Variants in RPL18A observed in about 807,000 individuals in gnomAD.
RPL18A encodes ribosomal protein L18a.
For synonymous variants in RPL18A, 122 were observed against 96.9 expected (o/e 1.26, Z -1.52); for missense variants, 163 against 254.1 (o/e 0.64, Z 2.44).
chr19:17,860,523 C>T (rs534686723), intron 1 of RPL18A, among the ~76,000 whole-genome samples: 4 of 152,342 alleles, frequency 2.6e-5, no homozygotes, highest in Admixed American at 1.3e-4. Flanking sequence ...GGTTTCCTTG[C>T]TGTCAAAGGG....
rs558281249 is a variant in RPL18A at position 17,861,613 on chromosome 19, C to T, written c.198+141C>T. ...CCCATCACATCAGACATCAGAGCCC[C>T]GGGTTGTGTTTCTGCCTGGGTCACG... On this transcript the variant is annotated intron_variant, in intron 2 of 4. Coordinates refer to ENST00000222247, the MANE Select transcript of RPL18A (RefSeq NM_000980.4). 482 of 684,616 alleles carry T rather than the reference C, an allele frequency of 7.0e-4. 7 individuals are homozygous for T. The Admixed American group carries it at 0.014, about 20-fold the overall frequency. The allele number at this position is 684,616 out of a possible 1,614,324, so 42.4% of individuals were successfully genotyped here.
At chr19:17,862,522 T>C (rs912177623) in intron 3 of RPL18A, 2 of 700,192 alleles carry the variant, frequency 2.9e-6, no homozygotes, top group Admixed American at 1.8e-5. Context: ...CCCTGCCTAG[T>C]GTTGGGAGCT....
Position 17,861,457 on chromosome 19 carries a change from T to C in RPL18A, c.183T>C (p.Ile61=). The C allele has an allele frequency of 6.3e-7, 1 of 1,594,174 alleles. No homozygotes were observed. Among genetic ancestry groups the C allele is most frequent in the Non-Finnish European group, 8.6e-7 (1 of 1,167,442 alleles). ...LKKMKKSSGE[I]VYCGQVFEKS... ...AGATGAAGAAGTCTTCAGGGGAGAT[T>C]GTCTACTGTGGGCAGGTATGGAGAG... Residue 61 remains isoleucine (I), a synonymous_variant, in exon 2 of 5, where the codon ATT becomes ATC. Coordinates refer to ENST00000222247, the MANE Select transcript of RPL18A (RefSeq NM_000980.4).
At chr19:17,860,995 A>G (rs2094276252) in intron 1 of RPL18A, 2 of 417,214 alleles carry the variant, frequency 4.8e-6, no homozygotes, top group Non-Finnish European at 8.7e-6. Flanking sequence ...GCATGAAGAA[A>G]GGAGGCTGTG....
In RPL18A at chr19:17,862,999, G is replaced by C; in HGVS notation, c.410G>C (p.Cys137Ser). ...GTGGAGGAGATCGCGGCCAGCAAGT[G>C]CCGCCGGCCGGCTGTCAAGCAGTTC... is the stretch of plus-strand genomic sequence containing the variant. The part of the protein sequence containing the change: ...MKVEEIAASK[C>S]RRPAVKQFHD... The change falls in exon 4 of 5, where the codon TGC (cysteine) becomes TCC (serine). Residue 137 changes from cysteine to serine, a missense_variant. By Grantham distance (112) the Cys-to-Ser change is moderately radical (BLOSUM62 -1). Coordinates refer to ENST00000222247, the MANE Select transcript of RPL18A (RefSeq NM_000980.4). 1.9e-6 allele frequency: 3 copies of C among 1,612,046 alleles called. No individual in the cohort carries two copies. The highest frequency in any genetic ancestry group is 2.5e-6 in the Non-Finnish European group (3 of 1,179,156).
chr19:17,860,275 G>A, intron 1 of RPL18A: 2 of 418,934 alleles, frequency 4.8e-6, no homozygotes, highest in South Asian at 5.0e-5. Flanking sequence ...TCGTCGAGCC[G>A]CCAAGTTTCT....
rs781670507 is a variant in RPL18A at position 17,862,987 on chromosome 19, C to T, written c.398C>T (p.Ala133Val). 16 of 1,612,184 alleles carry T rather than the reference C, an allele frequency of 9.9e-6. No homozygotes were observed. Among genetic ancestry groups the T allele is most frequent in the Admixed American group, 3.3e-5 (2 of 59,978 alleles). Residue 133 changes from alanine to valine, a missense_variant, in exon 4 of 5, where the codon GCG becomes GTG. By Grantham distance (64) the Ala-to-Val change is moderately conservative (BLOSUM62 0). Transcript: ENST00000222247. ...SIQIMKVEEI[A>V]ASKCRRPAVK... ...CAGATCATGAAGGTGGAGGAGATCG[C>T]GGCCAGCAAGTGCCGCCGGCCGGCT...
chr19:17,860,453 A>G, intron 1 of RPL18A: 1 of 159,156 alleles, frequency 6.3e-6, no homozygotes, highest in Non-Finnish European at 1.4e-5. Flanking sequence ...TCTATGGCGC[A>G]GAGATAGGAG....
At chr19:17,861,144 C>T in intron 1 of RPL18A, 149 bp from the exon 2 acceptor site, 2 of 650,770 alleles carry the variant, frequency 3.1e-6, no homozygotes, top group South Asian at 3.7e-5. Flanking sequence ...GTGTGACCTA[C>T]AGTCACCAAG....
chr19:17,859,949 A>G lies in RPL18A; in HGVS notation c.-8A>G, dbSNP rs113971469. The G allele has an allele frequency of 4.5e-6, 7 of 1,542,528 alleles. No individual in the cohort carries two copies. Among genetic ancestry groups the G allele is most frequent in the African/African-American group, 2.8e-5 (2 of 71,624 alleles). On this transcript the variant is annotated 5_prime_UTR_variant, in exon 1 of 5. Coordinates refer to ENST00000222247, the MANE Select transcript of RPL18A (RefSeq NM_000980.4). ...TTTGCGGGTGGCGGCGAACGCGGAG[A>G]GCACGCCATGAAGGCCTCGGGCACG...
At chr19:17,861,000 G>A (rs1192531807) in intron 1 of RPL18A, 4 of 429,406 alleles carry the variant, frequency 9.3e-6, no homozygotes, top group South Asian at 6.7e-5. Flanking sequence ...AAGAAAGGAG[G>A]CTGTGGGTCT....
chr19:17,862,517 C>T (rs2094279257), intron 3 of RPL18A: 1 of 701,330 alleles, frequency 1.4e-6, no homozygotes, highest in Admixed American at 1.8e-5. Context: ...TGAACCCCTG[C>T]CTAGTGTTGG....
rs370036635 is a variant in RPL18A at position 17,862,904 on chromosome 19, G to A, written c.329-14G>A. 5.0e-5 allele frequency: 79 copies of A among 1,590,210 alleles called. 1 individual carries two copies. The Middle Eastern group carries it at 5.6e-4, about 11-fold the overall frequency. ...CAGGCAACACCGTCACCCTGGCCCC[G>A]CTCCTTTCCACAGACCGAGACATGG... is the stretch of plus-strand genomic sequence containing the variant. On this transcript the variant is annotated splice_polypyrimidine_tract_variant and intron_variant, in intron 3 of 4. Coordinates refer to ENST00000222247, the MANE Select transcript of RPL18A (RefSeq NM_000980.4).
chr19:17,863,053 G>C (rs73020697), intron 4 of RPL18A, 26 bp downstream of exon 4: 342,056 of 1,585,142 alleles, frequency 0.22, 38,177 homozygotes, highest in Admixed American at 0.32. Context: ...GACTCCCCTG[G>C]AGGGAAGTGC....
chr19:17,861,788 T>C lies in RPL18A; in HGVS notation c.199-306T>C, dbSNP rs2094277882. ...GGAGAGGTGATGGCTATCTGGTCAG[T>C]GGGTGGTAGCTAGGTTGGCCCAGAC... is the stretch of plus-strand genomic sequence containing the variant. On this transcript the variant is annotated intron_variant, in intron 2 of 4. Transcript: ENST00000222247. The C allele has an allele frequency of 7.4e-6, 4 of 540,084 alleles. No homozygotes were observed. The Admixed American group carries it at 1.4e-4, about 18-fold the overall frequency. The allele number at this position is 540,084 out of a possible 1,614,324, so 33.5% of individuals were successfully genotyped here.
rs190103815 is a variant in RPL18A, at chr19:17,863,307, C to T, written c.*44C>T. 1.5e-3 allele frequency: 1,920 copies of T among 1,311,812 alleles called. 14 individuals are homozygous for T. The African/African-American group carries it at 0.021, about 14-fold the overall frequency. 81.3% of individuals were successfully genotyped at this position (1,311,812 alleles called of 1,614,324 possible). On this transcript the variant is annotated 3_prime_UTR_variant, in exon 5 of 5. Coordinates refer to ENST00000222247, the MANE Select transcript of RPL18A (RefSeq NM_000980.4). ...GGTGTGCCCCAAATAAACTCAGGAA[C>T]GCCCCGGTGCTCGCCGCATGTTTTC... is the stretch of plus-strand genomic sequence containing the variant.
chr19:17,860,575 G>A (rs777458628), intron 1 of RPL18A, among the ~76,000 whole-genome samples: 2 of 152,230 alleles, frequency 1.3e-5, no homozygotes, highest in Non-Finnish European at 2.9e-5. Flanking sequence ...GCCGAGGCCG[G>A]TGGGTCAGGT....
chr19:17,861,906 T>C, intron 2 of RPL18A, 188 bp from the exon 3 acceptor site: 2 of 644,284 alleles, frequency 3.1e-6, no homozygotes, highest in Non-Finnish European at 5.2e-6. Context: ...CCATGGGAAG[T>C]TCCCTTACCT....
chr19:17,862,039 G>A, intron 2 of RPL18A, 55 bp from the exon 3 acceptor site: 1 of 1,596,900 alleles, frequency 6.3e-7, no homozygotes, highest in Non-Finnish European at 8.5e-7. Context: ...TGAGGATGGG[G>A]CTAGGGCACA....
Sources: gnomAD v4.1 joint callset for allele counts (sites outside exome capture counted in the v4.1 genomes callset) on GRCh38, gnomAD v4.1.1 for gene constraint, MANE v1.5 for transcripts, NCBI Gene and HGNC (gene_info 2026-07-23, HGNC 2026-07-21) for gene names.